Variants in NTN1 observed in about 807,000 individuals in gnomAD.
The protein encoded by NTN1 is netrin 1, also known as netrin-1.
Under a neutral mutation model 54.2 loss-of-function variants are expected in NTN1, and 11 were observed. The ratio of observed to expected loss-of-function variants is 0.20; its 90% confidence interval spans 0.13 to 0.34. The LOEUF (loss-of-function observed/expected upper bound fraction) is 0.34. NTN1 is among the 10% of genes least tolerant of loss of function. The probability of loss-of-function intolerance (pLI) is 1.00; values close to 1 mark genes in which losing one functional copy is unlikely to be tolerated. For missense variants in NTN1, 740 were observed against 893.1 expected (o/e 0.83, Z 2.18); for synonymous variants, 371 against 382.0 (o/e 0.97, Z 0.33).
At chr17:9,107,363 G>A (rs1009919737) in intron 2 of NTN1, among the ~76,000 whole-genome samples, 2 of 152,220 alleles carry the variant, frequency 1.3e-5, no homozygotes, top group Non-Finnish European at 2.9e-5. Context: ...AAGAATCTTA[G>A]ATGCTCAGAT....
chr17:9,167,952 T>A lies in NTN1; in HGVS notation c.1207+4951T>A, dbSNP rs80076796. Among the ~76,000 whole-genome samples the A allele has an allele frequency of 3.0e-4, 45 of 152,332 alleles. No individual in the cohort carries two copies. The East Asian group carries it at 5.4e-3, about 18-fold the overall frequency. ...AGATTTGAAAATACTGCCGCCTGGA[T>A]CCCACCCCCAGAAATTCTGGTTTAA... On this transcript the variant is annotated intron_variant, in intron 3 of 6. Transcript: ENST00000173229.
chr17:9,144,448 C>T (rs952925271), intron 2 of NTN1, among the ~76,000 whole-genome samples: 3 of 152,204 alleles, frequency 2.0e-5, no homozygotes, highest in African/African-American at 7.2e-5. Flanking sequence ...GTCAAGTGCA[C>T]AGTGCTAGCC....
chr17:9,104,143 G>A (rs1267321459), intron 2 of NTN1, among the ~76,000 whole-genome samples: 7 of 147,424 alleles, frequency 4.7e-5, no homozygotes, highest in Admixed American at 1.4e-4. Context: ...CTTATAGGAC[G>A]CACCTAGAGT....
intron 6 of NTN1, among the ~76,000 whole-genome samples, chr17:9,236,231 C>A (rs916924222): frequency 2.6e-5 from 4 of 152,212 alleles, no homozygotes; most frequent in East Asian, 3.9e-4. Context: ...TGTGCCAAGC[C>A]CCCTGGTTGG....
the NTN1 span, among the ~76,000 whole-genome samples, chr17:9,007,762 C>T: frequency 9.2e-5 from 14 of 151,574 alleles, no homozygotes; most frequent in Admixed American, 9.2e-4. Flanking sequence ...GATGGGGTCT[C>T]CTTCTGTCAC....
intron 6 of NTN1, among the ~76,000 whole-genome samples, chr17:9,222,687 C>T (rs1283258721): frequency 6.6e-6 from 1 of 152,138 alleles, no homozygotes; most frequent in Non-Finnish European, 1.5e-5. Flanking sequence ...TCCGTCCCTT[C>T]CCTGACCCCG....
At chr17:9,120,038 T>C (rs2092227265) in intron 2 of NTN1, among the ~76,000 whole-genome samples, 1 of 152,094 alleles carries the variant, frequency 6.6e-6, no homozygotes, top group Non-Finnish European at 1.5e-5. Flanking sequence ...CCCAGCACTT[T>C]GGGAGACCGA....
chr17:9,036,690 A>G (rs1416265490), intron 2 of NTN1, among the ~76,000 whole-genome samples: 2 of 152,210 alleles, frequency 1.3e-5, no homozygotes, highest in African/African-American at 4.8e-5. Flanking sequence ...GGGTTGGGTC[A>G]CAAAGGTCAT....
intron 2 of NTN1, among the ~76,000 whole-genome samples, chr17:9,029,993 A>G (rs952841533): frequency 6.6e-5 from 10 of 151,820 alleles, no homozygotes; most frequent in African/African-American, 2.4e-4. Flanking sequence ...TCCGTCTCAA[A>G]AAAAAAAGAA....
chr17:9,046,612 C>T (rs1319195927), intron 2 of NTN1, among the ~76,000 whole-genome samples: 3 of 152,054 alleles, frequency 2.0e-5, no homozygotes, highest in Non-Finnish European at 4.4e-5. Context: ...CATGGCGAAA[C>T]CCTGTCTCTA....
At chr17:9,099,367 T>C (rs556262273) in intron 2 of NTN1, among the ~76,000 whole-genome samples, 2 of 152,274 alleles carry the variant, frequency 1.3e-5, no homozygotes, top group African/African-American at 4.8e-5. Flanking sequence ...TTTGCGCCAT[T>C]GCACTCCAGC....
chr17:9,157,064 T>C (rs1245120294), intron 2 of NTN1, among the ~76,000 whole-genome samples: 1 of 150,824 alleles, frequency 6.6e-6, no homozygotes, highest in African/African-American at 2.4e-5. Flanking sequence ...CATTCATTCA[T>C]CCATCCATCT....
chr17:9,224,248 C>G (rs1905460043), intron 6 of NTN1, among the ~76,000 whole-genome samples: 1 of 152,298 alleles, frequency 6.6e-6, no homozygotes, highest in East Asian at 1.9e-4. Flanking sequence ...CTCACCTCTT[C>G]TCTTCAGGCA....
At chr17:9,223,894 G>A (rs550055887) in intron 6 of NTN1, among the ~76,000 whole-genome samples, 10 of 152,220 alleles carry the variant, frequency 6.6e-5, no homozygotes, top group Non-Finnish European at 1.0e-4. Context: ...CAAGGAGGTA[G>A]GAGGGGAAGG....
chr17:9,117,710 C>T (rs2092218445), intron 2 of NTN1, among the ~76,000 whole-genome samples: 1 of 150,436 alleles, frequency 6.6e-6, no homozygotes, highest in Admixed American at 6.6e-5. Context: ...TGCCATTGCA[C>T]TCCAGCCTGG....
intron 5 of NTN1, among the ~76,000 whole-genome samples, chr17:9,185,343 A>T (rs2092430121): frequency 1.3e-5 from 2 of 151,666 alleles, no homozygotes; most frequent in South Asian, 4.2e-4. Flanking sequence ...AAACCTGTCC[A>T]CTCTTGCCGT....
chr17:9,006,871 T>C, the NTN1 span, among the ~76,000 whole-genome samples: 2 of 152,220 alleles, frequency 1.3e-5, no homozygotes, highest in African/African-American at 4.8e-5. Context: ...GCACCCACTC[T>C]TGGGGCCTAT....
intron 2 of NTN1, among the ~76,000 whole-genome samples, chr17:9,053,807 A>G (rs1289419391): frequency 6.6e-6 from 1 of 152,252 alleles, no homozygotes; most frequent in Non-Finnish European, 1.5e-5. Context: ...TGAAATGACC[A>G]GCTGTATGAA....
chr17:9,145,459 C>A (rs564511722), intron 2 of NTN1, among the ~76,000 whole-genome samples: 1 of 152,270 alleles, frequency 6.6e-6, no homozygotes, highest in African/African-American at 2.4e-5. Context: ...GAGGACTAAC[C>A]CCCTACCACC....
Sources: gnomAD v4.1 joint callset for allele counts (sites outside exome capture counted in the v4.1 genomes callset) on GRCh38, gnomAD v4.1.1 for gene constraint, MANE v1.5 for transcripts, NCBI Gene and HGNC (gene_info 2026-07-23, HGNC 2026-07-21) for gene names.